Variants in CSN1S1 observed in about 807,000 individuals in gnomAD.
The protein encoded by CSN1S1 is alpha-S1-casein.
Under a neutral mutation model 49.1 loss-of-function variants are expected in CSN1S1, and 63 were observed. The ratio of observed to expected loss-of-function variants is 1.28; its 90% CI spans 1.05 to 1.58. The LOEUF (loss-of-function observed/expected upper bound fraction) is 1.58, where lower values mean the gene tolerates loss of function less well. Ranked by LOEUF, CSN1S1 falls within the 40% of genes most tolerant of loss-of-function variation. The pLI is 0.00. For synonymous variants in CSN1S1, 78 were observed against 67.1 expected (o/e 1.16, Z -0.79); for missense variants, 260 against 224.7 (o/e 1.16, Z -1.01).
intron 13 of CSN1S1, among the ~76,000 whole-genome samples, chr4:69,942,303 A>C (rs1161071055): frequency 6.6e-6 from 1 of 151,962 alleles, no homozygotes; most frequent in African/African-American, 2.4e-5. Context: ...CAGAGTATGA[A>C]CCTTACTAAT....
Position 69,936,435 on chromosome 4 carries a change from GT to G in CSN1S1, c.130-17del. On this transcript the variant is annotated intron_variant, in intron 5 of 15. Coordinates refer to ENST00000246891, the MANE Select transcript of CSN1S1 (RefSeq NM_001890.2). ...GTCTTGTTTCACTAATATTGTTTAT[GT>G]TTTCTTTTTTATCCCTAAGGAATAC... 6.6e-7 allele frequency: 1 copy of G among 1,513,186 alleles called. No individual in the cohort carries two copies. Among genetic ancestry groups the G allele is most frequent in the Non-Finnish European group, 9.1e-7 (1 of 1,092,960 alleles). The allele number at this position is 1,513,186 out of a possible 1,614,324, so 93.7% of individuals were successfully genotyped here.
intron 14 of CSN1S1, among the ~76,000 whole-genome samples, chr4:69,943,788 G>A (rs1723060299): frequency 6.6e-6 from 1 of 151,984 alleles, no homozygotes; most frequent in Non-Finnish European, 1.5e-5. Context: ...ATACACAAGA[G>A]AGGGTCAAAC....
intron 11 of CSN1S1, 67 bp downstream of exon 11, chr4:69,940,111 T>TCTCACACACA (rs1491537992): frequency 2.7e-5 from 11 of 405,278 alleles, no homozygotes; most frequent in Admixed American, 9.1e-5. Flanking sequence ...GCACTTACTT[T>TCTCACACACA]CACACACACA....
In CSN1S1 at chr4:69,935,042, G is replaced by A. The variant is rs185584741; in HGVS notation, c.105+332G>A. On this transcript the variant is annotated intron_variant, in intron 4 of 15. Coordinates refer to ENST00000246891, the MANE Select transcript of CSN1S1 (RefSeq NM_001890.2). ...TAGCTAAGAAATCTGTTGGTTTACC[G>A]AATTAAATGGAGCATTTGTGTTCAA... is the stretch of plus-strand genomic sequence containing the variant. 3.5e-3 allele frequency among the ~76,000 whole-genome samples: 537 copies of A among 152,054 alleles called. 1 individual carries two copies. The highest frequency in any genetic ancestry group is 5.0e-3 in the Non-Finnish European group (340 of 67,962).
intron 9 of CSN1S1, among the ~76,000 whole-genome samples, chr4:69,938,219 A>G (rs925691812): frequency 1.3e-5 from 2 of 151,826 alleles, no homozygotes; most frequent in African/African-American, 4.8e-5. Context: ...TATTTTAGAT[A>G]CAAGTGCATG....
Position 69,944,940 on chromosome 4 carries a change from T to G in CSN1S1, c.493T>G (p.Ser165Ala). ...IMQYVPFPPF[S>A]DISNPTAHEN... ...GCAGTATGTTCCTTTCCCACCGTTT[T>G]CCGACATCTCCAATCCCACTGCTCA... The change falls in exon 15 of 16, where the codon TCC (serine) becomes GCC (alanine). Residue 165 changes from serine (S) to alanine (A), a missense_variant. Coordinates refer to ENST00000246891, the MANE Select transcript of CSN1S1 (RefSeq NM_001890.2). The G allele has an allele frequency of 1.2e-6, 2 of 1,612,988 alleles. No homozygotes were observed. The highest frequency in any genetic ancestry group is 4.5e-5 in the East Asian group (2 of 44,822).
At chr4:69,937,728 T>G in intron 8 of CSN1S1, 72 bp from the exon 9 acceptor site, 1 of 1,185,820 alleles carries the variant, frequency 8.4e-7, no homozygotes, top group Non-Finnish European at 1.2e-6. Context: ...ATCCATTTTA[T>G]TTGGTAATCA....
At chr4:69,933,331 A>G (rs1722668577) in intron 2 of CSN1S1, among the ~76,000 whole-genome samples, 1 of 152,064 alleles carries the variant, frequency 6.6e-6, no homozygotes, top group South Asian at 2.1e-4. Flanking sequence ...ACATCAGTTT[A>G]GAGGGATGAT....
At chr4:69,936,379 TAC>T (rs2109716642) in intron 5 of CSN1S1, 75 bp from the exon 6 acceptor site, 5 of 1,082,972 alleles carry the variant, frequency 4.6e-6, no homozygotes, top group Non-Finnish European at 6.9e-6. Flanking sequence ...CGATGTGAAG[TAC>T]AGTTTCTCAT....
At chr4:69,937,492 C>A (rs1722823220) in intron 8 of CSN1S1, among the ~76,000 whole-genome samples, 1 of 150,778 alleles carries the variant, frequency 6.6e-6, no homozygotes, top group African/African-American at 2.4e-5. Context: ...GTGCAGTGTC[C>A]TGCTCAGAGT....
intron 9 of CSN1S1, 21 bp downstream of exon 9, chr4:69,937,844 T>G: frequency 6.4e-7 from 1 of 1,574,018 alleles, no homozygotes; most frequent in East Asian, 2.3e-5. Context: ...TTCATTCTAG[T>G]GAACTCTACA....
intron 5 of CSN1S1, 79 bp downstream of exon 5, chr4:69,936,028 C>T (rs1722769010): frequency 1.2e-5 from 13 of 1,091,030 alleles, no homozygotes; most frequent in Non-Finnish European, 1.6e-5. Context: ...CAGAACAGTG[C>T]CTAAAACAAA....
At chr4:69,932,727 C>T (rs1722647843) in intron 2 of CSN1S1, 121 bp downstream of exon 2, 1 of 874,704 alleles carries the variant, frequency 1.1e-6, no homozygotes, top group Non-Finnish European at 1.8e-6. Context: ...TAATTGGCCT[C>T]TGAAGTCTTG....
At chr4:69,939,432 G>A (rs1722905440) in intron 10 of CSN1S1, among the ~76,000 whole-genome samples, 1 of 151,650 alleles carries the variant, frequency 6.6e-6, no homozygotes, top group Non-Finnish European at 1.5e-5. Context: ...ATCTTATCTG[G>A]CCATCTGTGA....
At position 69,946,177 on chromosome 4, in the gene CSN1S1, T is replaced by C. The variant is rs1292460721; in HGVS notation, c.*-19T>C. ...AATATTTAATATAACTCACCACATATTTCTATTTCTATTTACAGATATGAT... is the reference window on the plus strand; with the variant it reads ...AATATTTAATATAACTCACCACATACTTCTATTTCTATTTACAGATATGAT... On this transcript the variant is annotated intron_variant, in intron 15 of 15. Coordinates refer to ENST00000246891, the MANE Select transcript of CSN1S1 (RefSeq NM_001890.2). 3.7e-6 allele frequency: 2 copies of C among 534,140 alleles called. No homozygotes were observed. Among genetic ancestry groups the C allele is most frequent in the Non-Finnish European group, 6.9e-6 (2 of 288,626 alleles). 33.1% of individuals were successfully genotyped at this position (534,140 alleles called of 1,614,324 possible).
intron 1 of CSN1S1, among the ~76,000 whole-genome samples, chr4:69,932,144 T>C (rs958397526): frequency 6.6e-5 from 10 of 151,962 alleles, no homozygotes; most frequent in Non-Finnish European, 1.2e-4. Flanking sequence ...TGGATTTAAC[T>C]TTATTGCCCA....
chr4:69,939,236 T>A, intron 10 of CSN1S1, 28 bp downstream of exon 10: 1 of 1,535,492 alleles, frequency 6.5e-7, no homozygotes, highest in Non-Finnish European at 9.0e-7. Context: ...TAATTCTGTG[T>A]CCCAACTAAT....
Position 69,944,942 on chromosome 4 carries a change from C to T in CSN1S1, c.495C>T (p.Ser165=), listed in dbSNP as rs1168866381. The change falls in exon 15 of 16, where the codon TCC becomes TCT. Residue 165 remains serine (S), a synonymous_variant. Transcript: ENST00000246891. ...AGTATGTTCCTTTCCCACCGTTTTC[C>T]GACATCTCCAATCCCACTGCTCATG... ...IMQYVPFPPF[S]DISNPTAHEN... 32 of 1,612,922 alleles carry T rather than the reference C, an allele frequency of 2.0e-5. No homozygotes were observed. Among genetic ancestry groups the T allele is most frequent in the Non-Finnish European group, 2.3e-5 (27 of 1,179,276 alleles).
At chr4:69,940,949 A>G (rs1269688154) in intron 11 of CSN1S1, 70 bp from the exon 12 acceptor site, 6 of 766,890 alleles carry the variant, frequency 7.8e-6, no homozygotes, top group Non-Finnish European at 1.3e-5. Context: ...TTCTTGTTTC[A>G]TCATATGAAA....
Sources: gnomAD v4.1 joint callset for allele counts (sites outside exome capture counted in the v4.1 genomes callset) on GRCh38, gnomAD v4.1.1 for gene constraint, MANE v1.5 for transcripts, NCBI Gene and HGNC (gene_info 2026-07-23, HGNC 2026-07-21) for gene names.